EXOC6B: variants seen among roughly 807,000 people sequenced by gnomAD.
EXOC6B encodes SEC15 homolog B.
EXOC6B carries 54 observed loss-of-function variants against 113.5 expected under a neutral mutation model. The ratio of observed to expected loss-of-function variants is 0.48; its 90% confidence interval spans 0.38 to 0.60. The LOEUF is 0.60. EXOC6B is among the 20% of genes least tolerant of loss of function. The pLI is 0.00. For missense variants in EXOC6B, 797 were observed against 977.5 expected, an observed-to-expected ratio of 0.82 and a Z score of 2.46; for synonymous variants, 357 against 339.0, an observed-to-expected ratio of 1.05 and a Z score of -0.58.
intron 20 of EXOC6B, among the ~76,000 whole-genome samples, chr2:72,289,858 G>T (rs1573187633): frequency 1.3e-5 from 2 of 152,166 alleles, no homozygotes; most frequent in South Asian, 4.1e-4. Context: ...TTGCACTTCA[G>T]CCTGGGTGAC....
intron 1 of EXOC6B, among the ~76,000 whole-genome samples, chr2:72,761,040 T>G (rs1682711850): frequency 1.3e-5 from 2 of 151,956 alleles, no homozygotes; most frequent in Non-Finnish European, 2.9e-5. Context: ...ATTAGCTGGG[T>G]GTGGTGGTGT....
intron 17 of EXOC6B, among the ~76,000 whole-genome samples, chr2:72,467,035 T>A (rs1182663979): frequency 6.6e-6 from 1 of 152,206 alleles, no homozygotes; most frequent in Non-Finnish European, 1.5e-5. Flanking sequence ...TTCTATTTTC[T>A]GTTTCTATGA....
At chr2:72,561,505 C>T (rs890524134) in intron 7 of EXOC6B, among the ~76,000 whole-genome samples, 2 of 152,046 alleles carry the variant, frequency 1.3e-5, no homozygotes, top group East Asian at 3.8e-4. Flanking sequence ...CATCTCAGAA[C>T]CATAGTTTCA....
intron 6 of EXOC6B, among the ~76,000 whole-genome samples, chr2:72,667,729 T>G (rs1675494348): frequency 2.0e-5 from 3 of 152,160 alleles, no homozygotes. Context: ...TCACTCAAGA[T>G]GGACTAAAGA....
intron 18 of EXOC6B, chr2:72,463,484 G>C (rs540220716): frequency 6.6e-6 from 1 of 152,110 alleles, no homozygotes; most frequent in South Asian, 2.1e-4. Flanking sequence ...GGGCATTTGA[G>C]GAACGTAGAC....
At chr2:72,620,514 T>C (rs1292627287) in intron 6 of EXOC6B, among the ~76,000 whole-genome samples, 1 of 151,296 alleles carries the variant, frequency 6.6e-6, no homozygotes, top group Non-Finnish European at 1.5e-5. Context: ...AATTTAAATT[T>C]TAAATTTAAA....
intron 16 of EXOC6B, among the ~76,000 whole-genome samples, chr2:72,481,381 G>C (rs758818932): frequency 4.5e-4 from 69 of 152,096 alleles, no homozygotes; most frequent in Admixed American, 1.2e-3. Context: ...GTTTTCTTCT[G>C]TTTAAAAAAG....
intron 6 of EXOC6B, among the ~76,000 whole-genome samples, chr2:72,661,321 C>T (rs1358919013): frequency 2.0e-5 from 3 of 148,800 alleles, no homozygotes; most frequent in East Asian, 2.0e-4. Context: ...CTAAATTGTC[C>T]GTACTCACAG....
chr2:72,320,204 T>C (rs553959204), intron 20 of EXOC6B, among the ~76,000 whole-genome samples: 1 of 148,952 alleles, frequency 6.7e-6, no homozygotes, highest in East Asian at 1.9e-4. Context: ...TTTACATATA[T>C]ATTTTTATAT....
intron 20 of EXOC6B, among the ~76,000 whole-genome samples, chr2:72,247,935 A>G (rs1293794223): frequency 1.3e-5 from 2 of 152,162 alleles, no homozygotes; most frequent in Non-Finnish European, 2.9e-5. Context: ...TTTATGGTGT[A>G]GGTAAAAGAT....
chr2:72,631,449 TATATATATATATAGAG>T (rs1672426456), intron 6 of EXOC6B, among the ~76,000 whole-genome samples: 2 of 58,198 alleles, frequency 3.4e-5, no homozygotes, highest in Non-Finnish European at 6.9e-5. Context: ...TATATATATA[TATATATATATATAGAG>T]AGAGAGAGAG....
At chr2:72,781,955 A>G (rs1438775857) in intron 1 of EXOC6B, among the ~76,000 whole-genome samples, 2 of 151,986 alleles carry the variant, frequency 1.3e-5, no homozygotes, top group Admixed American at 1.3e-4. Context: ...CCTGGCCAAC[A>G]TGGTGAAACC....
intron 1 of EXOC6B, among the ~76,000 whole-genome samples, chr2:72,806,788 T>C (rs1463374941): frequency 2.0e-5 from 3 of 152,168 alleles, no homozygotes; most frequent in Non-Finnish European, 4.4e-5. Flanking sequence ...ATTAGTGATG[T>C]TGAGCTTTTT....
chr2:72,530,857 TCTGATGTCTA>T (rs1323945430), intron 8 of EXOC6B, among the ~76,000 whole-genome samples: 1 of 152,178 alleles, frequency 6.6e-6, no homozygotes, highest in Non-Finnish European at 1.5e-5. Flanking sequence ...TTTTCTTTCC[TCTGATGTCTA>T]CTTCATTTTA....
chr2:72,393,551 A>G (rs1573019628), intron 18 of EXOC6B, among the ~76,000 whole-genome samples: 2 of 152,238 alleles, frequency 1.3e-5, no homozygotes, highest in African/African-American at 4.8e-5. Context: ...ATGGTTGTTT[A>G]TGATTAGAGG....
At chr2:72,385,439 A>T (rs559981007) in intron 18 of EXOC6B, among the ~76,000 whole-genome samples, 10 of 152,102 alleles carry the variant, frequency 6.6e-5, no homozygotes, top group African/African-American at 1.2e-4. Context: ...GCTCCATGAC[A>T]TTGATCTGTA....
At chr2:72,201,385 T>TG (rs1351696561) in intron 20 of EXOC6B, among the ~76,000 whole-genome samples, 1 of 152,072 alleles carries the variant, frequency 6.6e-6, no homozygotes, top group Non-Finnish European at 1.5e-5. Context: ...TAGGTGAGTA[T>TG]GGTGAGAAGG....
At chr2:72,186,904 C>A (rs184555768) in intron 20 of EXOC6B, among the ~76,000 whole-genome samples, 4 of 152,172 alleles carry the variant, frequency 2.6e-5, no homozygotes, top group Non-Finnish European at 5.9e-5. Context: ...TGGCCAGTGG[C>A]ACCTTTGCCT....
chr2:72,608,018 T>C (rs1361986931), intron 6 of EXOC6B, among the ~76,000 whole-genome samples: 6 of 152,070 alleles, frequency 3.9e-5, no homozygotes, highest in Non-Finnish European at 1.5e-5. Context: ...TCAGCAAATA[T>C]GAAAGAAGGC....
Sources: gnomAD v4.1 joint callset for allele counts (sites outside exome capture counted in the v4.1 genomes callset) on GRCh38, gnomAD v4.1.1 for gene constraint, MANE v1.5 for transcripts, NCBI Gene and HGNC (gene_info 2026-07-23, HGNC 2026-07-21) for gene names.